Variants in EIF3H observed in about 807,000 individuals in gnomAD.
EIF3H encodes eIF-3-gamma.
In EIF3H, 26 loss-of-function variants were observed where a neutral mutation model predicts 44.2. That is an observed-to-expected ratio of 0.59 (90% CI 0.43 to 0.82). The LOEUF is 0.82. Ranked by LOEUF, EIF3H falls within the 40% of genes least tolerant of loss-of-function variation. The pLI is 0.00. For missense variants in EIF3H, 359 were observed against 432.8 expected (o/e 0.83, Z 1.51); for synonymous variants, 166 against 151.9 (o/e 1.09, Z -0.68).
intron 2 of EIF3H, among the ~76,000 whole-genome samples, chr8:116,719,004 AC>A (rs1814699557): frequency 6.6e-6 from 1 of 152,184 alleles, no homozygotes; most frequent in Non-Finnish European, 1.5e-5. Context: ...AAAAATTACT[AC>A]GGTGGGAAAG....
rs538841566 is a variant in EIF3H at position 116,642,223 on chromosome 8, T to C, written c.*2783A>G. On this transcript the variant is annotated 3_prime_UTR_variant, in exon 8 of 8. Transcript: ENST00000521861. Reference sequence around the variant, plus strand: ...CTGATACCACTACACCTGAGTTCGATGCCAGCATGGTTTGAAAGTGAAGCT... The same window carrying C: ...CTGATACCACTACACCTGAGTTCGACGCCAGCATGGTTTGAAAGTGAAGCT... The C allele has an allele frequency of 2.0e-5, 3 of 152,276 alleles. No homozygotes were observed. The East Asian group carries it at 5.8e-4, about 29-fold the overall frequency. 9.4% of individuals were successfully genotyped at this position (152,276 alleles called of 1,614,324 possible).
At chr8:116,711,268 A>C (rs1020506174) in intron 2 of EIF3H, among the ~76,000 whole-genome samples, 1 of 152,216 alleles carries the variant, frequency 6.6e-6, no homozygotes, top group African/African-American at 2.4e-5. Flanking sequence ...CACTGCATAT[A>C]ACTTCTATAC....
At position 116,652,026 on chromosome 8, in the gene EIF3H, C is replaced by T. The variant is rs1177286832; in HGVS notation, c.708-3100G>A. On this transcript the variant is annotated intron_variant, in intron 5 of 7. Coordinates refer to ENST00000521861, the MANE Select transcript of EIF3H (RefSeq NM_003756.3). The stretch of plus-strand genomic sequence containing the variant: ...AGAGAAATAAGGTCCTAGACTAAGG[C>T]AGTAAGTCACAGGAGTAAGACAAAA... Among the ~76,000 whole-genome samples, 3 of 152,144 alleles carry T rather than the reference C, an allele frequency of 2.0e-5. No homozygotes were observed. In the East Asian group the frequency reaches 5.8e-4, roughly 29 times the overall value.
intron 2 of EIF3H, among the ~76,000 whole-genome samples, chr8:116,710,779 A>G (rs200731636): frequency 9.2e-5 from 14 of 152,180 alleles, no homozygotes; most frequent in Non-Finnish European, 1.3e-4. Flanking sequence ...TGCATTTGCC[A>G]TTAATTTTAA....
intron 1 of EIF3H, among the ~76,000 whole-genome samples, chr8:116,733,922 G>C (rs1337522447): frequency 6.6e-6 from 1 of 152,066 alleles, no homozygotes; most frequent in African/African-American, 2.4e-5. Context: ...ATCCAGGAGA[G>C]GAGAAACATA....
chr8:116,719,681 T>A (rs951040106), intron 2 of EIF3H, among the ~76,000 whole-genome samples: 1 of 152,058 alleles, frequency 6.6e-6, no homozygotes, highest in Non-Finnish European at 1.5e-5. Flanking sequence ...CAAATATTTT[T>A]AAAAAAAGAA....
intron 1 of EIF3H, among the ~76,000 whole-genome samples, chr8:116,753,951 CAAGTGCAT>C (rs371382992): frequency 5.3e-5 from 8 of 152,236 alleles, no homozygotes; most frequent in African/African-American, 1.9e-4. Context: ...AAACATTTCC[CAAGTGCAT>C]AAGTGGTACT....
chr8:116,721,889 C>T (rs180929578), intron 2 of EIF3H, among the ~76,000 whole-genome samples: 8 of 152,288 alleles, frequency 5.3e-5, no homozygotes, highest in Non-Finnish European at 7.3e-5. Flanking sequence ...TGATTTTACA[C>T]GATCACAGGT....
At chr8:116,733,838 G>A (rs1814989284) in intron 1 of EIF3H, among the ~76,000 whole-genome samples, 1 of 151,926 alleles carries the variant, frequency 6.6e-6, no homozygotes, top group Admixed American at 6.6e-5. Context: ...ATAAAACAAG[G>A]TAATTTTATC....
intron 5 of EIF3H, among the ~76,000 whole-genome samples, chr8:116,650,684 G>C (rs1813373982): frequency 6.6e-6 from 1 of 151,952 alleles, no homozygotes; most frequent in Admixed American, 6.6e-5. Context: ...TCTTTTTTTT[G>C]AGACAGAGTT....
At chr8:116,665,092 C>G (rs367800592) in intron 2 of EIF3H, among the ~76,000 whole-genome samples, 6 of 152,152 alleles carry the variant, frequency 3.9e-5, no homozygotes, top group Admixed American at 3.9e-4. Context: ...CAAAGGCTAG[C>G]CAGCCACCCA....
intron 2 of EIF3H, among the ~76,000 whole-genome samples, chr8:116,700,531 CTAAAGT>C (rs1166293673): frequency 6.6e-6 from 1 of 151,854 alleles, no homozygotes. Flanking sequence ...CGTCTCTGTC[CTAAAGT>C]CTTCAAGTTA....
At chr8:116,734,886 T>C (rs1299263063) in intron 1 of EIF3H, among the ~76,000 whole-genome samples, 1 of 152,198 alleles carries the variant, frequency 6.6e-6, no homozygotes, top group Non-Finnish European at 1.5e-5. Context: ...TAAAATAACA[T>C]TAAGTAATTC....
rs561034504 is a variant in EIF3H, at chr8:116,724,612, A to C, written c.289+1404T>G. On this transcript the variant is annotated intron_variant, in intron 2 of 7. Transcript: ENST00000521861. ...ACTCAACAGGAAAAAAAAAGCCTCC[A>C]ATTTTAAAATAAGCAAAGGACTTGA... Among the ~76,000 whole-genome samples the C allele has an allele frequency of 5.6e-4, 86 of 152,302 alleles. No homozygotes were observed. The South Asian group carries it at 7.0e-3, about 12-fold the overall frequency.
chr8:116,737,170 T>C lies in EIF3H; in HGVS notation c.133-10998A>G, dbSNP rs1051689462. The C allele has an allele frequency of 7.7e-6, 3 of 389,066 alleles. No individual in the cohort carries two copies. The Admixed American group carries it at 1.2e-4, about 15-fold the overall frequency. 24.1% of individuals were successfully genotyped at this position (389,066 alleles called of 1,614,324 possible). On this transcript the variant is annotated intron_variant, in intron 1 of 7. Coordinates refer to ENST00000521861, the MANE Select transcript of EIF3H (RefSeq NM_003756.3). ...ATATCAAAAAGCATACTTCTCAAAG[T>C]GTGCAAGCCCTAAAAACAAACATTC...
intron 2 of EIF3H, among the ~76,000 whole-genome samples, chr8:116,703,403 C>T (rs1814412384): frequency 6.6e-6 from 1 of 152,070 alleles, no homozygotes; most frequent in African/African-American, 2.4e-5. Flanking sequence ...TGCTCCACCA[C>T]CTCTTGTGGA....
chr8:116,681,198 A>T (rs1181181154), intron 2 of EIF3H, among the ~76,000 whole-genome samples: 1 of 152,130 alleles, frequency 6.6e-6, no homozygotes, highest in Non-Finnish European at 1.5e-5. Context: ...CCCTGTCTCT[A>T]CTAAAAATAC....
chr8:116,698,855 A>T (rs1814317871), intron 2 of EIF3H, among the ~76,000 whole-genome samples: 1 of 152,194 alleles, frequency 6.6e-6, no homozygotes, highest in African/African-American at 2.4e-5. Context: ...GCTGTTAAAA[A>T]TTTATATATA....
chr8:116,752,817 G>GAGAA (rs1815381265), intron 1 of EIF3H, among the ~76,000 whole-genome samples: 1 of 144,574 alleles, frequency 6.9e-6, no homozygotes, highest in African/African-American at 2.7e-5. Context: ...AGGAAGGAAG[G>GAGAA]AAGGAAGGAA....
Sources: gnomAD v4.1 joint callset for allele counts (sites outside exome capture counted in the v4.1 genomes callset) on GRCh38, gnomAD v4.1.1 for gene constraint, MANE v1.5 for transcripts, NCBI Gene and HGNC (gene_info 2026-07-23, HGNC 2026-07-21) for gene names.